The following EVPL variants were observed in gnomAD, a reference collection of about 807,000 sequenced individuals.
EVPL encodes envoplakin.
Under a neutral mutation model 129.7 loss-of-function variants are expected in EVPL, and 94 were observed. The ratio of observed to expected loss-of-function variants is 0.72; its 90% CI spans 0.61 to 0.86. The LOEUF (loss-of-function observed/expected upper bound fraction) is 0.86. EVPL is among the 40% of genes least tolerant of loss of function. The pLI is 0.00. For synonymous variants in EVPL, 1,172 were observed against 1,191.1 expected (o/e 0.98, Z 0.33); for missense variants, 2,625 against 2,721.1 (o/e 0.96, Z 0.79).
At chr17:76,011,691 G>A (rs1380058998) in intron 20 of EVPL, 23 bp from the exon 21 acceptor site, 1 of 1,613,192 alleles carries the variant, frequency 6.2e-7, no homozygotes, top group East Asian at 2.2e-5. Flanking sequence ...GAGGGAGAGG[G>A]GAAGGGCAGA....
rs749847119 is a variant in EVPL, at chr17:76,013,715, C to T, written c.2373+711G>A. Among the ~76,000 whole-genome samples the T allele has an allele frequency of 5.6e-4, 85 of 152,314 alleles. No individual in the cohort carries two copies. Among genetic ancestry groups the T allele is most frequent in the Middle Eastern group, 3.4e-3 (1 of 294 alleles). ...CGGCCAGGCCACCACTCTCTCTCCG[C>T]TGGATTTCCACCCTGGCTCCTCGTG... is the stretch of plus-strand genomic sequence containing the variant. On this transcript the variant is annotated intron_variant, in intron 18 of 21. Coordinates refer to ENST00000301607, the MANE Select transcript of EVPL (RefSeq NM_001988.4). The surrounding 1 kb of genome is among the most constrained non-coding windows in gnomAD (Gnocchi z 4.3).
rs557309693 is a variant in EVPL, at chr17:76,022,740, C to A, written c.481-202G>T. On this transcript the variant is annotated intron_variant, in intron 4 of 21. Transcript: ENST00000301607. The surrounding 1 kb of genome is among the most constrained non-coding windows in gnomAD (Gnocchi z 5.6). ...CCCCTGAGTCCCACTGGTTCCCAGA[C>A]GCTGGGCTCAGCCTCTAAGAAGTCT... 1.7e-4 allele frequency among the ~76,000 whole-genome samples: 26 copies of A among 152,178 alleles called. No individual in the cohort carries two copies. The highest frequency in any genetic ancestry group is 4.1e-4 in the South Asian group (2 of 4,830).
At position 76,009,663 on chromosome 17, in the gene EVPL, C is replaced by T; in HGVS notation, c.3542G>A (p.Ser1181Asn). ...TTTGGGCCTCTGCTTCTCCACCACG[C>T]TGTACTTGCTGTGCAGGTCGCTCAG... is the stretch of plus-strand genomic sequence containing the variant. Reference protein sequence around the residue: ...RELSDLHSKYSVVEKQRPKVQ... With the variant: ...RELSDLHSKYNVVEKQRPKVQ... Residue 1181 changes from serine to asparagine, a missense_variant, in exon 22 of 22, where the codon AGC becomes AAC. By Grantham distance (46) the Ser-to-Asn change is conservative. Transcript: ENST00000301607. The surrounding 1 kb of genome is among the most constrained non-coding windows in gnomAD (Gnocchi z 5.9). The T allele has an allele frequency of 6.2e-7, 1 of 1,613,718 alleles. No homozygotes were observed. The highest frequency in any genetic ancestry group is 8.5e-7 in the Non-Finnish European group (1 of 1,180,020).
At position 76,014,581 on chromosome 17, in the gene EVPL, A is replaced by G. The variant is rs2066403247; in HGVS notation, c.2223-5T>C. ...GCATCCTGCACCACCTTCTCCCTGC[A>G]GGAGGACGAGGCCCAGAACAGAGAT... On this transcript the variant is annotated splice_region_variant and splice_polypyrimidine_tract_variant and intron_variant, in intron 17 of 21. Transcript: ENST00000301607. The G allele has an allele frequency of 6.2e-7, 1 of 1,611,388 alleles. No homozygotes were observed. Among genetic ancestry groups the G allele is most frequent in the Admixed American group, 1.7e-5 (1 of 59,394 alleles).
rs1265257521 is a variant in EVPL, at chr17:76,013,066, G to GATGATGCA, written c.2374-978_2374-977insTGCATCAT. ...GCCTGAGAATTCATATTTCTGATAA[G>GATGATGCA]TCCCCAGGTGATGCTGCTACAGCTC... On this transcript the variant is annotated intron_variant, in intron 18 of 21. Coordinates refer to ENST00000301607, the MANE Select transcript of EVPL (RefSeq NM_001988.4). The surrounding 1 kb of genome is among the most constrained non-coding windows in gnomAD (Gnocchi z 4.3). Among the ~76,000 whole-genome samples the GATGATGCA allele has an allele frequency of 1.1e-3, 171 of 152,192 alleles. 2 individuals are homozygous for GATGATGCA. The highest frequency in any genetic ancestry group is 3.1e-4 in the Non-Finnish European group (21 of 68,002).
chr17:76,014,991 T>C lies in EVPL; in HGVS notation c.2147A>G (p.Asp716Gly). ...CACCTGGCGCTGCTGGCGAGGCAGG[T>C]CTTGGCAGAACTCCTGGAAGTTGTT... ...LQNNFQEFCQ[D>G]LPRQQRQVRA... Residue 716 changes from aspartate (D) to glycine (G), a missense_variant, in exon 17 of 22, where the codon GAC (aspartate) becomes GGC (glycine). Physicochemically the swap from Asp to Gly is moderately conservative, Grantham distance 94. Transcript: ENST00000301607. 5 of 1,596,812 alleles carry C rather than the reference T, an allele frequency of 3.1e-6. No individual in the cohort carries two copies. Among genetic ancestry groups the C allele is most frequent in the Non-Finnish European group, 4.3e-6 (5 of 1,176,454 alleles).
Position 76,019,527 on chromosome 17 carries a change from C to A in EVPL, c.1137+1G>T. The A allele has an allele frequency of 1.9e-6, 3 of 1,552,968 alleles. No individual in the cohort carries two copies. Among genetic ancestry groups the A allele is most frequent in the Non-Finnish European group, 1.7e-6 (2 of 1,155,584 alleles). ...CAGACGGCCTGGTGGGGTTGTCTCA[C>A]CTCCAGCTGTTGCAGCAGCTCTGTG... On this transcript the variant is annotated splice_donor_variant, in intron 10 of 21. Transcript: ENST00000301607. LOFTEE classifies it high-confidence loss of function.
In EVPL at chr17:76,024,609, C is replaced by T. The variant is rs1045022175; in HGVS notation, c.99-489G>A. On this transcript the variant is annotated intron_variant, in intron 1 of 21. Coordinates refer to ENST00000301607, the MANE Select transcript of EVPL (RefSeq NM_001988.4). This position sits in a 1 kb window ranked among gnomAD's most constrained non-coding sequence, Gnocchi z 4.5. The stretch of plus-strand genomic sequence containing the variant: ...GTGTTCCCCTATACCTCCTCCACCC[C>T]AGGGAGCCTTGCCAGCATGCTGGCT... 2.0e-5 allele frequency among the ~76,000 whole-genome samples: 3 copies of T among 152,084 alleles called. No homozygotes were observed. The highest frequency in any genetic ancestry group is 4.4e-5 in the Non-Finnish European group (3 of 68,012).
At chr17:76,018,763 GGA>G (rs1241955221) in intron 11 of EVPL, 149 bp downstream of exon 11, 4 of 1,190,606 alleles carry the variant, frequency 3.4e-6, no homozygotes, top group Admixed American at 3.0e-5. Flanking sequence ...GACAGGACTT[GGA>G]GAGAGGAGGG....
chr17:76,011,616 A>G lies in EVPL; in HGVS notation c.2621T>C (p.Leu874Pro). 3 of 1,614,216 alleles carry G rather than the reference A, an allele frequency of 1.9e-6. No homozygotes were observed. Among genetic ancestry groups the G allele is most frequent in the Middle Eastern group, 1.6e-4 (1 of 6,062 alleles). ...TCTAGCAAACTCCAGCTGCTGGAGC[A>G]GCTGCTGCTGTGCTGCTGCAACCTC... The part of the protein sequence containing the change: ...YTEVAAAQQQ[L>P]LQQLEFARKM... Residue 874 changes from leucine to proline, a missense_variant, in exon 21 of 22, where the codon CTG becomes CCG. Leu to Pro is a moderately conservative substitution (Grantham distance 98, BLOSUM62 -3). Around this residue, in one of 4 missense-constraint regions of EVPL, gnomAD observed 1,024 missense variants for 997.5 expected, o/e 1.03. Transcript: ENST00000301607.
At chr17:76,019,701 C>T (rs2144428424) in intron 9 of EVPL, 48 bp from the exon 10 acceptor site, 1 of 1,582,866 alleles carries the variant, frequency 6.3e-7, no homozygotes, top group South Asian at 1.2e-5. Context: ...AACCTGCTGC[C>T]CACTGACCCT....
Position 76,008,122 on chromosome 17 carries a change from T to TC in EVPL, c.5082dup (p.Lys1695GlufsTer28). 1 of 1,614,042 alleles carries TC rather than the reference T, an allele frequency of 6.2e-7. No homozygotes were observed. Among genetic ancestry groups the TC allele is most frequent in the Non-Finnish European group, 8.5e-7 (1 of 1,179,986 alleles). ...TAGGCCTCGTATGGGGACATGTCCT[T>TC]CCCCGTCTCGGGTTCCAGGATGGAG... On this transcript the variant is annotated frameshift_variant, in exon 22 of 22. Transcript: ENST00000301607. LOFTEE classifies it high-confidence loss of function. This position sits in a 1 kb window ranked among gnomAD's most constrained non-coding sequence, Gnocchi z 7.4.
intron 9 of EVPL, 152 bp downstream of exon 9, chr17:76,021,316 A>C: frequency 1.4e-6 from 1 of 690,526 alleles, no homozygotes; most frequent in Non-Finnish European, 2.4e-6. Flanking sequence ...TCGGCCTCCC[A>C]AAGTGCTGGG....
chr17:76,009,785 C>T lies in EVPL; in HGVS notation c.3420G>A (p.Lys1140=). The T allele has an allele frequency of 6.2e-7, 1 of 1,613,868 alleles. No homozygotes were observed. The highest frequency in any genetic ancestry group is 8.5e-7 in the Non-Finnish European group (1 of 1,179,966). ...GGAGCCCTGGGTCCTGCTCCACCTTCTTCACCTCCTTCACGATGACCTTGG... is the reference window on the plus strand; with the variant it reads ...GGAGCCCTGGGTCCTGCTCCACCTTTTTCACCTCCTTCACGATGACCTTGG... ...VEPKVIVKEV[K]KVEQDPGLLQ... Residue 1140 remains lysine, a synonymous_variant, in exon 22 of 22, where the codon AAG becomes AAA. Transcript: ENST00000301607. This position sits in a 1 kb window ranked among gnomAD's most constrained non-coding sequence, Gnocchi z 5.9.
At chr17:76,026,164 G>A (rs2066496827) in intron 1 of EVPL, among the ~76,000 whole-genome samples, 2 of 151,858 alleles carry the variant, frequency 1.3e-5, no homozygotes, top group East Asian at 1.9e-4. Flanking sequence ...GGCTGGTCTC[G>A]AACTCCCGGG....
In EVPL at chr17:76,023,616, G is replaced by C. The variant is rs2066479126; in HGVS notation, c.237C>G (p.His79Gln). Residue 79 changes from histidine to glutamine, a missense_variant, in exon 3 of 22, where the codon CAC becomes CAG. This residue lies in a region of EVPL where 139 missense variants were observed against 186.8 expected (regional missense o/e 0.74). Coordinates refer to ENST00000301607, the MANE Select transcript of EVPL (RefSeq NM_001988.4). ...TCAGGCTGCGGCCCGTCTCCTGCTG[G>C]TGCTGCAGGGCCTGGCTCTGCTCAC... ...LNSEQSQALQ[H>Q]QQETGRSLKE... is the part of the protein sequence containing the mutation. 6.2e-7 allele frequency: 1 copy of C among 1,605,460 alleles called. No homozygotes were observed. Among genetic ancestry groups the C allele is most frequent in the African/African-American group, 1.3e-5 (1 of 74,668 alleles).
At position 76,009,137 on chromosome 17, in the gene EVPL, G is replaced by C. The variant is rs746131022; in HGVS notation, c.4068C>G (p.Ser1356Arg). Reference sequence around the variant, plus strand: ...TCCTCCTCTCCAGCAGCAGGCGCTTGCTCTGCAGCTCGTACACCGCGTCCT... The same window carrying C: ...TCCTCCTCTCCAGCAGCAGGCGCTTCCTCTGCAGCTCGTACACCGCGTCCT... ...AAEDAVYELQ[S>R]KRLLLERRKP... Residue 1356 changes from serine (S) to arginine (R), a missense_variant, in exon 22 of 22, where the codon AGC becomes AGG. By Grantham distance (110) the Ser-to-Arg change is moderately radical. Coordinates refer to ENST00000301607, the MANE Select transcript of EVPL (RefSeq NM_001988.4). This position sits in a 1 kb window ranked among gnomAD's most constrained non-coding sequence, Gnocchi z 5.9. 8.1e-6 allele frequency: 13 copies of C among 1,612,298 alleles called. No individual in the cohort carries two copies. Among genetic ancestry groups the C allele is most frequent in the Admixed American group, 3.3e-5 (2 of 59,984 alleles).
intron 1 of EVPL, among the ~76,000 whole-genome samples, chr17:76,026,050 T>C (rs1377277790): frequency 6.6e-6 from 1 of 151,010 alleles, no homozygotes; most frequent in Non-Finnish European, 1.5e-5. Context: ...CAAGTGATCC[T>C]CTCACCTCAG....
Position 76,010,396 on chromosome 17 carries a change from C to T in EVPL, c.2809G>A (p.Ala937Thr). The T allele has an allele frequency of 1.2e-6, 2 of 1,614,028 alleles. No individual in the cohort carries two copies. The highest frequency in any genetic ancestry group is 1.7e-5 in the Admixed American group (1 of 60,018). Residue 937 changes from alanine to threonine, a missense_variant, in exon 22 of 22, where the codon GCG becomes ACG. Transcript: ENST00000301607. ...AGCTGCAGCAGTTGGCTCCTCTGCGCCTCCAGCTCATGCTGCACCCGGGCC... is the reference window on the plus strand; with the variant it reads ...AGCTGCAGCAGTTGGCTCCTCTGCGTCTCCAGCTCATGCTGCACCCGGGCC... ...RVARVQHELE[A>T]QRSQLLQLRT...
Sources: allele counts gnomAD v4.1 joint callset (sites outside exome capture counted in the v4.1 genomes callset), GRCh38; gene constraint gnomAD v4.1.1; regional missense constraint gnomAD v4.1.1; non-coding constraint Gnocchi (gnomAD v3.1); transcripts MANE v1.5; gene names NCBI Gene and HGNC (gene_info 2026-07-23, HGNC 2026-07-21).